Variants in DUSP10 observed in about 807,000 individuals in gnomAD.
DUSP10 encodes dual specificity protein phosphatase 10.
Under a neutral mutation model 30.8 loss-of-function variants are expected in DUSP10, and 14 were observed. The observed-to-expected ratio is 0.46, with a 90% CI of 0.30 to 0.71. DUSP10 has a LOEUF of 0.71. Among genes scored for constraint, DUSP10 ranks in the 30% least tolerant of loss-of-function variants. The pLI, the probability that DUSP10 is intolerant of heterozygous loss-of-function variation, is 0.08. For missense variants in DUSP10, 550 were observed against 619.4 expected (o/e 0.89, Z 1.19); for synonymous variants, 254 against 250.4 (o/e 1.01, Z -0.14).
chr1:221,739,252 T>C lies in DUSP10; in HGVS notation c.493A>G (p.Ser165Gly). ...ACAGGGCCCTGACTCGGCAGGTGAC[T>C]CTTGCTGCATTTGGTCATCTTCTTT... Reference protein sequence around the residue: ...LAKKMTKCSKSHLPSQGPVII... With the variant: ...LAKKMTKCSKGHLPSQGPVII... The change falls in exon 2 of 4, where the codon AGT (serine) becomes GGT (glycine). Residue 165 changes from serine to glycine, a missense_variant. Physicochemically the swap from Ser to Gly is moderately conservative, Grantham distance 56. Coordinates refer to ENST00000366899, the MANE Select transcript of DUSP10 (RefSeq NM_007207.6). 1.9e-6 allele frequency: 3 copies of C among 1,614,216 alleles called. No homozygotes were observed. Among genetic ancestry groups the C allele is most frequent in the Non-Finnish European group, 2.5e-6 (3 of 1,180,040 alleles).
chr1:221,738,782 C>A (rs573978162), intron 2 of DUSP10, 152 bp downstream of exon 2: 3 of 1,072,746 alleles, frequency 2.8e-6, no homozygotes, highest in African/African-American at 1.6e-5. Context: ...CTTACTAAAC[C>A]AAAACAATAA....
rs1210390654 is a variant in DUSP10 at position 221,740,050 on chromosome 1, AC to A, written c.-43-264del. Among the ~76,000 whole-genome samples the A allele has an allele frequency of 2.0e-5, 3 of 152,336 alleles. No homozygotes were observed. The East Asian group carries it at 5.8e-4, about 29-fold the overall frequency. On this transcript the variant is annotated intron_variant, in intron 1 of 3. Transcript: ENST00000366899. ...AATGTTAATGAACAACCTTTCCTGG[AC>A]CTACATAAAAGTTCAGCTGTAGAGA...
intron 2 of DUSP10, among the ~76,000 whole-genome samples, chr1:221,716,010 CT>C (rs1661094134): frequency 6.6e-6 from 1 of 151,226 alleles, no homozygotes; most frequent in Admixed American, 6.6e-5. Context: ...CTCCCCTCCC[CT>C]CTCCCTCTTC....
chr1:221,729,418 T>C (rs1345208995), intron 2 of DUSP10, among the ~76,000 whole-genome samples: 1 of 152,210 alleles, frequency 6.6e-6, no homozygotes, highest in Non-Finnish European at 1.5e-5. Flanking sequence ...TGCAAATAGA[T>C]ATGGCCAGCC....
rs115377620 is a variant in DUSP10 at position 221,713,780 on chromosome 1, C to T, written c.812-7314G>A. ...AGTCTTATTTAAATCCCTTTGTACACAGGAATTAGCCCCAAGTCACATGAA... is the reference window on the plus strand; with the variant it reads ...AGTCTTATTTAAATCCCTTTGTACATAGGAATTAGCCCCAAGTCACATGAA... On this transcript the variant is annotated intron_variant, in intron 2 of 3. Coordinates refer to ENST00000366899, the MANE Select transcript of DUSP10 (RefSeq NM_007207.6). Among the ~76,000 whole-genome samples, 494 of 152,280 alleles carry T rather than the reference C, an allele frequency of 3.2e-3. 7 individuals are homozygous for T. The highest frequency in any genetic ancestry group is 0.014 in the Middle Eastern group (4 of 294).
chr1:221,710,127 G>A (rs1018281504), intron 2 of DUSP10, among the ~76,000 whole-genome samples: 4 of 152,142 alleles, frequency 2.6e-5, no homozygotes, highest in African/African-American at 7.2e-5. Flanking sequence ...CATAGTTCAG[G>A]AAGCCTATGT....
intron 2 of DUSP10, among the ~76,000 whole-genome samples, chr1:221,728,349 AGAC>A (rs1420312650): frequency 2.0e-5 from 3 of 152,236 alleles, no homozygotes; most frequent in African/African-American, 7.2e-5. Flanking sequence ...CTCTGTCAGA[AGAC>A]AGATTCTGCC....
chr1:221,713,824 T>A (rs887832804), intron 2 of DUSP10, among the ~76,000 whole-genome samples: 1 of 152,212 alleles, frequency 6.6e-6, no homozygotes, highest in African/African-American at 2.4e-5. Flanking sequence ...ACTGCTGATA[T>A]GTTAGATACC....
chr1:221,706,497 CTG>C lies in DUSP10; in HGVS notation c.812-33_812-32del. ...ACACAAACACAGAAGGTGAGTGTGA[CTG>C]AGATTTCAGAGCTGGCAGAGAATGC... On this transcript the variant is annotated intron_variant, in intron 2 of 3. Transcript: ENST00000366899. The surrounding 1 kb of genome is among the most constrained non-coding windows in gnomAD (Gnocchi z 4.6). 1.4e-6 allele frequency: 2 copies of C among 1,427,602 alleles called. No individual in the cohort carries two copies. Among genetic ancestry groups the C allele is most frequent in the Non-Finnish European group, 1.8e-6 (2 of 1,084,340 alleles). The allele number at this position is 1,427,602 out of a possible 1,614,324, so 88.4% of individuals were successfully genotyped here.
rs553930480 is a variant in DUSP10 at position 221,719,394 on chromosome 1, G to A, written c.812-12928C>T. Among the ~76,000 whole-genome samples, 12 of 152,238 alleles carry A rather than the reference G, an allele frequency of 7.9e-5. No homozygotes were observed. The South Asian group carries it at 2.5e-3, about 32-fold the overall frequency. The stretch of plus-strand genomic sequence containing the variant: ...GTCCAATGATCACACCGTACCATGA[G>A]GGCTGAGCTTTGACAGGTCCACCTG... On this transcript the variant is annotated intron_variant, in intron 2 of 3. Coordinates refer to ENST00000366899, the MANE Select transcript of DUSP10 (RefSeq NM_007207.6).
At chr1:221,716,143 G>C (rs148230924) in intron 2 of DUSP10, among the ~76,000 whole-genome samples, 10 of 152,102 alleles carry the variant, frequency 6.6e-5, no homozygotes, top group African/African-American at 2.2e-4. Flanking sequence ...ACTTCTACCT[G>C]GAATACATTT....
chr1:221,709,597 G>C (rs1321629424), intron 2 of DUSP10, among the ~76,000 whole-genome samples: 1 of 152,134 alleles, frequency 6.6e-6, no homozygotes, highest in Non-Finnish European at 1.5e-5. Flanking sequence ...TTGGGCATCA[G>C]TTTTCCATAA....
chr1:221,735,181 G>C (rs770226949), intron 2 of DUSP10, among the ~76,000 whole-genome samples: 1 of 152,138 alleles, frequency 6.6e-6, no homozygotes, highest in African/African-American at 2.4e-5. Flanking sequence ...CATTCCCCCA[G>C]TAAAGGCCTT....
intron 2 of DUSP10, among the ~76,000 whole-genome samples, chr1:221,708,335 C>T (rs1433670177): frequency 3.3e-5 from 5 of 152,218 alleles, no homozygotes; most frequent in Non-Finnish European, 5.9e-5. Context: ...CAAACCACAG[C>T]GGGAAACTCC....
intron 2 of DUSP10, chr1:221,737,323 C>T (rs1661807063): frequency 2.0e-6 from 2 of 985,398 alleles, no homozygotes; most frequent in East Asian, 1.1e-4. Context: ...CTCCTCTTTG[C>T]TCCCCAAGAC....
At chr1:221,721,315 G>T (rs530354558) in intron 2 of DUSP10, among the ~76,000 whole-genome samples, 1 of 152,246 alleles carries the variant, frequency 6.6e-6, no homozygotes, top group East Asian at 1.9e-4. Context: ...TGCGAGATTT[G>T]ATTGAAAAAA....
chr1:221,738,800 A>G (rs1661856352), intron 2 of DUSP10, 134 bp downstream of exon 2: 1 of 1,168,770 alleles, frequency 8.6e-7, no homozygotes, highest in African/African-American at 1.5e-5. Flanking sequence ...TAAAGAGCAT[A>G]GAAGGGAAGA....
intron 2 of DUSP10, among the ~76,000 whole-genome samples, chr1:221,732,374 A>G (rs1442327497): frequency 2.0e-5 from 3 of 152,232 alleles, no homozygotes; most frequent in Admixed American, 2.0e-4. Flanking sequence ...TTAAATCAAC[A>G]TTAATATTTG....
At chr1:221,731,139 T>C (rs948481379) in intron 2 of DUSP10, among the ~76,000 whole-genome samples, 1 of 152,174 alleles carries the variant, frequency 6.6e-6, no homozygotes, top group African/African-American at 2.4e-5. Context: ...TCAATGAAAA[T>C]TTGTTGATGA....
Sources: gnomAD v4.1 joint callset for allele counts (sites outside exome capture counted in the v4.1 genomes callset) on GRCh38, gnomAD v4.1.1 for gene constraint, Gnocchi (gnomAD v3.1) non-coding constraint, MANE v1.5 for transcripts, NCBI Gene and HGNC (gene_info 2026-07-23, HGNC 2026-07-21) for gene names.